ASB4: variants seen among roughly 807,000 people sequenced by gnomAD.
ASB4 encodes the protein ankyrin repeat and SOCS box containing 4, also known as ankyrin repeat and SOCS box protein 4.
Under a neutral mutation model 38.6 loss-of-function variants are expected in ASB4, and 35 were observed. The ratio of observed to expected loss-of-function variants is 0.91; its 90% CI spans 0.69 to 1.20. ASB4 has a LOEUF of 1.20. Among genes scored for constraint, ASB4 ranks in the 50% most tolerant of loss-of-function variants. The pLI, the probability that ASB4 is intolerant of heterozygous loss-of-function variation, is 0.00. For synonymous variants in ASB4, 195 were observed against 201.3 expected, an observed-to-expected ratio of 0.97 and a Z score of 0.26; for missense variants, 557 against 527.2, an observed-to-expected ratio of 1.06 and a Z score of -0.55.
intron 3 of ASB4, among the ~76,000 whole-genome samples, chr7:95,532,333 T>C (rs751394838): frequency 6.6e-6 from 1 of 152,122 alleles, no homozygotes; most frequent in African/African-American, 2.4e-5. Context: ...ATGTGTAAAT[T>C]ACATAAGCGG....
chr7:95,537,913 G>C lies in ASB4; in HGVS notation c.*154G>C, dbSNP rs1047133244. The C allele has an allele frequency of 5.4e-5, 33 of 608,582 alleles. No homozygotes were observed. The East Asian group carries it at 6.1e-4, about 11-fold the overall frequency. 37.7% of individuals were successfully genotyped at this position (608,582 alleles called of 1,614,324 possible). A position where few individuals can be genotyped will look rare whatever the true frequency, so the allele number is the denominator to read the frequency against. On this transcript the variant is annotated 3_prime_UTR_variant, in exon 5 of 5. Coordinates refer to ENST00000325885, the MANE Select transcript of ASB4 (RefSeq NM_016116.3). ...ACTGCCATTAATCCTAGAATATCATGGTATGGGGAAATAAAGAAGAAGTAA... is the reference window on the plus strand; with the variant it reads ...ACTGCCATTAATCCTAGAATATCATCGTATGGGGAAATAAAGAAGAAGTAA...
chr7:95,523,244 G>A (rs376281193), intron 2 of ASB4, among the ~76,000 whole-genome samples: 21 of 152,160 alleles, frequency 1.4e-4, no homozygotes, highest in African/African-American at 5.1e-4. Flanking sequence ...CAAAGGAAAA[G>A]GCAAGGGAAA....
intron 2 of ASB4, among the ~76,000 whole-genome samples, chr7:95,519,056 A>C (rs751240299): frequency 5.3e-5 from 8 of 152,150 alleles, no homozygotes; most frequent in Non-Finnish European, 5.9e-5. Flanking sequence ...GACTCTAGAG[A>C]ATGTGAGTGT....
intron 2 of ASB4, among the ~76,000 whole-genome samples, chr7:95,504,237 G>A (rs1261109487): frequency 6.6e-6 from 1 of 152,176 alleles, no homozygotes; most frequent in African/African-American, 2.4e-5. Flanking sequence ...CTGCAGGAAA[G>A]CCATAAAAAT....
At chr7:95,504,755 T>A (rs897706572) in intron 2 of ASB4, among the ~76,000 whole-genome samples, 2 of 152,170 alleles carry the variant, frequency 1.3e-5, no homozygotes, top group African/African-American at 2.4e-5. Context: ...TTGACCTCCA[T>A]CTGCTCAGAG....
chr7:95,524,718 C>T (rs1790713333), intron 2 of ASB4, among the ~76,000 whole-genome samples: 1 of 152,106 alleles, frequency 6.6e-6, no homozygotes, highest in Non-Finnish European at 1.5e-5. Flanking sequence ...TTCCCTATTG[C>T]AGTATGACTG....
At chr7:95,480,032 C>A (rs1466494090) in intron 1 of ASB4, among the ~76,000 whole-genome samples, 2 of 152,148 alleles carry the variant, frequency 1.3e-5, no homozygotes, top group African/African-American at 4.8e-5. Flanking sequence ...CTTCTCTGAC[C>A]ATTTATTTGA....
At chr7:95,478,249 C>T (rs1789995035), upstream of ASB4, among the ~76,000 whole-genome samples, 2 of 151,906 alleles carry the variant, frequency 1.3e-5, no homozygotes, top group Admixed American at 1.3e-4. Flanking sequence ...TAAATTATTC[C>T]CTCGAGTTGA....
chr7:95,493,801 T>C (rs529975560), intron 1 of ASB4, among the ~76,000 whole-genome samples: 4 of 152,298 alleles, frequency 2.6e-5, no homozygotes, highest in African/African-American at 9.6e-5. Flanking sequence ...GCTCCCTGCT[T>C]CTCTCATTCA....
At chr7:95,530,859 A>C (rs1790811251) in intron 3 of ASB4, among the ~76,000 whole-genome samples, 1 of 152,132 alleles carries the variant, frequency 6.6e-6, no homozygotes, top group Non-Finnish European at 1.5e-5. Flanking sequence ...AATTTGCAAT[A>C]ATTTAGATGA....
intron 2 of ASB4, among the ~76,000 whole-genome samples, chr7:95,508,405 GA>G (rs1283889462): frequency 1.3e-5 from 2 of 151,712 alleles, no homozygotes; most frequent in African/African-American, 4.8e-5. Context: ...AAGATCTGAG[GA>G]AAAAAGAGGT....
Position 95,540,223 on chromosome 7 carries a change from G to A in ASB4, c.*2464G>A, listed in dbSNP as rs937186987. On this transcript the variant is annotated 3_prime_UTR_variant, in exon 5 of 5. Coordinates refer to ENST00000325885, the MANE Select transcript of ASB4 (RefSeq NM_016116.3). Reference sequence around the variant, plus strand: ...TAGAGAACTTAAATAAAGCTCTTCTGTCTCCTTTCATCTTTGTGTTTACTT... The same window carrying A: ...TAGAGAACTTAAATAAAGCTCTTCTATCTCCTTTCATCTTTGTGTTTACTT... The A allele has an allele frequency of 6.6e-6, 1 of 152,036 alleles. No homozygotes were observed. The highest frequency in any genetic ancestry group is 2.4e-5 in the African/African-American group (1 of 41,386). The allele number at this position is 152,036 out of a possible 1,614,324, so 9.4% of individuals were successfully genotyped here. A position where few individuals can be genotyped will look rare whatever the true frequency, so the allele number is the denominator to read the frequency against.
the ASB4 span, among the ~76,000 whole-genome samples, chr7:95,549,301 A>ATTTT: frequency 7.5e-3 from 864 of 114,860 alleles, 69 homozygotes; most frequent in African/African-American, 0.017. Flanking sequence ...AGGAGACTCC[A>ATTTT]TTTTTTTTTT....
intron 2 of ASB4, among the ~76,000 whole-genome samples, chr7:95,524,205 T>A (rs1424453308): frequency 5.3e-5 from 8 of 152,260 alleles, no homozygotes; most frequent in Non-Finnish European, 1.0e-4. Flanking sequence ...ATGGCATCAG[T>A]GCTTGGGATA....
intron 2 of ASB4, among the ~76,000 whole-genome samples, chr7:95,515,197 CTTTCTT>C (rs1790544937): frequency 1.6e-5 from 2 of 127,686 alleles, no homozygotes; most frequent in Non-Finnish European, 3.2e-5. Context: ...TTCTTTCTTT[CTTTCTT>C]TCTTTCTTTC....
chr7:95,491,625 G>A (rs1293405444), intron 1 of ASB4, among the ~76,000 whole-genome samples: 1 of 152,204 alleles, frequency 6.6e-6, no homozygotes, highest in East Asian at 1.9e-4. Flanking sequence ...TGTGTTTCTA[G>A]CATGCTGTGG....
chr7:95,520,334 CA>C (rs1483495448), intron 2 of ASB4, among the ~76,000 whole-genome samples: 4 of 152,214 alleles, frequency 2.6e-5, no homozygotes, highest in Admixed American at 2.6e-4. Context: ...AGAGACTGAA[CA>C]AAGTGAAAAC....
intron 1 of ASB4, among the ~76,000 whole-genome samples, chr7:95,479,113 G>A (rs1354969327): frequency 6.6e-6 from 1 of 152,212 alleles, no homozygotes; most frequent in Non-Finnish European, 1.5e-5. Flanking sequence ...TAAAGGCTGA[G>A]GAGTGTGTCT....
Position 95,526,468 on chromosome 7 carries a change from T to G in ASB4, c.488-1345T>G, listed in dbSNP as rs556273408. 2.6e-5 allele frequency among the ~76,000 whole-genome samples: 4 copies of G among 152,284 alleles called. No individual in the cohort carries two copies. The East Asian group carries it at 7.7e-4, about 29-fold the overall frequency. ...GCAACGCATTTTCATACATACTTTC[T>G]CTAATAAATCTGCCTTTCTTTACCT... On this transcript the variant is annotated intron_variant, in intron 2 of 4. Transcript: ENST00000325885.
Sources: allele counts gnomAD v4.1 joint callset (sites outside exome capture counted in the v4.1 genomes callset), GRCh38; gene constraint gnomAD v4.1.1; transcripts MANE v1.5; gene names NCBI Gene and HGNC (gene_info 2026-07-23, HGNC 2026-07-21).